TBC1D10B: variants seen among roughly 807,000 people sequenced by gnomAD.
TBC1D10B encodes Rab27A-GAPbeta.
A neutral mutation model predicts 78.4 loss-of-function variants in TBC1D10B; 25 were observed. The observed-to-expected ratio is 0.32, with a 90% confidence interval of 0.23 to 0.45. The LOEUF is 0.45. TBC1D10B is among the 20% of genes least tolerant of loss of function. The pLI is 1.00. For synonymous variants in TBC1D10B, 517 were observed against 478.0 expected, an observed-to-expected ratio of 1.08 and a Z score of -1.06; for missense variants, 996 against 1,104.8, an observed-to-expected ratio of 0.90 and a Z score of 1.40.
At chr16:30,359,099 G>T in intron 7 of TBC1D10B, 73 bp downstream of exon 7, 1 of 1,499,848 alleles carries the variant, frequency 6.7e-7, no homozygotes, top group South Asian at 1.3e-5. Context: ...TGGACCACCA[G>T]AAATATGACA....
intron 4 of TBC1D10B, among the ~76,000 whole-genome samples, chr16:30,361,627 A>G (rs1027752707): frequency 1.3e-5 from 2 of 151,200 alleles, no homozygotes; most frequent in African/African-American, 4.9e-5. Flanking sequence ...CTGGTCTCAA[A>G]CTCCTGACCT....
intron 1 of TBC1D10B, among the ~76,000 whole-genome samples, chr16:30,368,478 A>T (rs578018512): frequency 6.6e-6 from 1 of 152,286 alleles, no homozygotes; most frequent in South Asian, 2.1e-4. Context: ...TGACTGGCCC[A>T]GCAGGTCAAA....
intron 5 of TBC1D10B, 38 bp from the exon 6 acceptor site, chr16:30,359,641 GAGAAGCA>G: frequency 6.4e-7 from 1 of 1,555,388 alleles, no homozygotes; most frequent in South Asian, 1.2e-5. Context: ...GGTGGGGCCT[GAGAAGCA>G]GGGAGCAGGG....
chr16:30,358,341 G>A lies in TBC1D10B; in HGVS notation c.2030C>T (p.Pro677Leu), dbSNP rs749022572. The A allele has an allele frequency of 7.7e-6, 12 of 1,560,382 alleles. No homozygotes were observed. Among genetic ancestry groups the A allele is most frequent in the Middle Eastern group, 1.7e-4 (1 of 5,846 alleles). The change falls in exon 9 of 9, where the codon CCG (proline) becomes CTG (leucine). Residue 677 changes from proline to leucine, a missense_variant. Pro to Leu is a moderately conservative substitution (Grantham distance 98). Around this residue, in one of 5 missense-constraint regions of TBC1D10B, gnomAD observed 285 missense variants for 252.5 expected, o/e 1.13. Transcript: ENST00000409939. ...TCTGCGGACGGGGGGCGGCGGGGACGGGGCCCCTCCAGCTGCCCGGGAGCC... is the reference window on the plus strand; with the variant it reads ...TCTGCGGACGGGGGGCGGCGGGGACAGGGCCCCTCCAGCTGCCCGGGAGCC... ...SRGSRAAGGA[P>L]SPPPPVRRAS...
chr16:30,364,496 ATAC>A (rs1306735578), intron 4 of TBC1D10B, among the ~76,000 whole-genome samples: 1 of 152,184 alleles, frequency 6.6e-6, no homozygotes, highest in African/African-American at 2.4e-5. Context: ...ATCATCTTGC[ATAC>A]TACTAGAGAA....
Position 30,369,420 on chromosome 16 carries a change from C to T in TBC1D10B, c.764G>A (p.Gly255Asp). The T allele has an allele frequency of 1.3e-6, 2 of 1,569,632 alleles. No individual in the cohort carries two copies. Among genetic ancestry groups the T allele is most frequent in the Non-Finnish European group, 1.7e-6 (2 of 1,157,540 alleles). Residue 255 changes from glycine (G) to aspartate (D), a missense_variant, in exon 1 of 9, where the codon GGC becomes GAC. Physicochemically the swap from Gly to Asp is moderately conservative, Grantham distance 94 (BLOSUM62 -1). Coordinates refer to ENST00000409939, the MANE Select transcript of TBC1D10B (RefSeq NM_015527.4). The surrounding 1 kb of genome is among the most constrained non-coding windows in gnomAD (Gnocchi z 4.3). ...GGCCTGCCCTCGAGGCCCAGAGATG[C>T]CAGGTCCCAGGCTGGACGTGGAGCC... ...DLGSTSSLGP[G>D]ISGPRGQAPD... is the part of the protein sequence containing the mutation.
intron 4 of TBC1D10B, among the ~76,000 whole-genome samples, chr16:30,361,882 T>C (rs983195212): frequency 6.6e-5 from 10 of 151,154 alleles, no homozygotes; most frequent in Non-Finnish European, 1.3e-4. Context: ...GAATCTCCTC[T>C]GTCGCCCAGG....
rs191247342 is a variant in TBC1D10B, at chr16:30,359,274, T to C, written c.1540A>G (p.Ile514Val). Residue 514 changes from isoleucine to valine, a missense_variant, in exon 7 of 9, where the codon ATT becomes GTT. Ile to Val is a conservative substitution (Grantham distance 29, BLOSUM62 3). Transcript: ENST00000409939. Reference protein sequence around the residue: ...LAHRHLRRQRIDPVLYMTEWF... With the variant: ...LAHRHLRRQRVDPVLYMTEWF... ...TCCGTCATGTAGAGCACAGGGTCAA[T>C]GCGCTGCCGCCGCAGGTGGCGATGC... The C allele has an allele frequency of 1.2e-6, 2 of 1,609,656 alleles. No homozygotes were observed. Among genetic ancestry groups the C allele is most frequent in the Non-Finnish European group, 1.7e-6 (2 of 1,178,162 alleles).
At position 30,370,201 on chromosome 16, in the gene TBC1D10B, CA is replaced by C; in HGVS notation, c.-19del. Reference sequence around the variant, plus strand: ...GTCTCCATGGCCGCGGGCCGCCCCTCACATCCCCCCGCCGGGGAGGCCGCAG... The same window carrying C: ...GTCTCCATGGCCGCGGGCCGCCCCTCCATCCCCCCGCCGGGGAGGCCGCAG... On this transcript the variant is annotated 5_prime_UTR_variant, in exon 1 of 9. It removes the in-frame stop codon of an upstream open reading frame in the 5' UTR. Coordinates refer to ENST00000409939, the MANE Select transcript of TBC1D10B (RefSeq NM_015527.4). 8.8e-7 allele frequency: 1 copy of C among 1,136,866 alleles called. No homozygotes were observed. Among genetic ancestry groups the C allele is most frequent in the Non-Finnish European group, 1.1e-6 (1 of 923,366 alleles). 70.4% of individuals were successfully genotyped at this position (1,136,866 alleles called of 1,614,324 possible).
In TBC1D10B at chr16:30,364,893, AC is replaced by A; in HGVS notation, c.1271+6del. 1 of 1,604,006 alleles carries A rather than the reference AC, an allele frequency of 6.2e-7. No individual in the cohort carries two copies. The highest frequency in any genetic ancestry group is 2.3e-5 in the East Asian group (1 of 44,094). On this transcript the variant is annotated splice_donor_region_variant and intron_variant, in intron 4 of 8. Coordinates refer to ENST00000409939, the MANE Select transcript of TBC1D10B (RefSeq NM_015527.4). ...GCTGACTGACCCCCATGGTCCGGCCACCTTACCCATGCCCCCCTCGAGCAGC... is the reference window on the plus strand; with the variant it reads ...GCTGACTGACCCCCATGGTCCGGCCACTTACCCATGCCCCCCTCGAGCAGC...
chr16:30,358,739 T>C lies in TBC1D10B; in HGVS notation c.1721A>G (p.Gln574Arg). 2 of 1,610,184 alleles carry C rather than the reference T, an allele frequency of 1.2e-6. No homozygotes were observed. The highest frequency in any genetic ancestry group is 1.7e-6 in the Non-Finnish European group (2 of 1,178,272). The part of the protein sequence containing the change: ...LGSVEKLRSC[Q>R]GMYETMEQLR... ...CTGCTCCATGGTCTCATACATGCCT[T>C]GGCAGGAGCGCAGCTTCTCCACTGA... is the stretch of plus-strand genomic sequence containing the variant. Residue 574 changes from glutamine (Q) to arginine (R), a missense_variant, in exon 8 of 9, where the codon CAA (glutamine) becomes CGA (arginine). This residue lies in a region of TBC1D10B where 168 missense variants were observed against 238.7 expected (regional missense o/e 0.70). Coordinates refer to ENST00000409939, the MANE Select transcript of TBC1D10B (RefSeq NM_015527.4).
intron 7 of TBC1D10B, 46 bp downstream of exon 7, chr16:30,359,126 C>T: frequency 6.4e-7 from 1 of 1,557,790 alleles, no homozygotes; most frequent in South Asian, 1.2e-5. Context: ...CTGGTAGCCA[C>T]CACAGAAACC....
At chr16:30,361,805 C>G (rs544883079) in intron 4 of TBC1D10B, among the ~76,000 whole-genome samples, 1 of 151,914 alleles carries the variant, frequency 6.6e-6, no homozygotes. Flanking sequence ...TCTGCCTCAG[C>G]CTCCCGAGTA....
rs373878962 is a variant in TBC1D10B at position 30,359,305 on chromosome 16, C to T, written c.1509G>A (p.Pro503=). ...IFFALLRRAS[P]LAHRHLRRQR... ...GCCGCCGCAGGTGGCGATGCGCCAG[C>T]GGGGAGGCCCGGCGCAGGAGTGCAA... Residue 503 remains proline, a synonymous_variant, in exon 7 of 9, where the codon CCG becomes CCA. Coordinates refer to ENST00000409939, the MANE Select transcript of TBC1D10B (RefSeq NM_015527.4). The T allele has an allele frequency of 3.6e-5, 57 of 1,600,638 alleles. No homozygotes were observed. The highest frequency in any genetic ancestry group is 1.6e-4 in the Middle Eastern group (1 of 6,068).
In TBC1D10B at chr16:30,365,306, G is replaced by T; in HGVS notation, c.1057-94C>A. ...CCACAAACTCCCTGGATACTCCTCC[G>T]ACATCCCATAGGCTTGATTCCACTG... is the stretch of plus-strand genomic sequence containing the variant. On this transcript the variant is annotated intron_variant, in intron 2 of 8. Coordinates refer to ENST00000409939, the MANE Select transcript of TBC1D10B (RefSeq NM_015527.4). This position sits in a 1 kb window ranked among gnomAD's most constrained non-coding sequence, Gnocchi z 5.0. 1 of 1,282,500 alleles carries T rather than the reference G, an allele frequency of 7.8e-7. No individual in the cohort carries two copies. The highest frequency in any genetic ancestry group is 1.1e-6 in the Non-Finnish European group (1 of 895,674). 79.4% of individuals were successfully genotyped at this position (1,282,500 alleles called of 1,614,324 possible).
At chr16:30,360,046 C>G (rs2151100955) in intron 4 of TBC1D10B, 1 of 568,644 alleles carries the variant, frequency 1.8e-6, no homozygotes, top group Non-Finnish European at 3.1e-6. Flanking sequence ...ACTCCACATG[C>G]TCCTGGCCAT....
chr16:30,358,381 C>T lies in TBC1D10B; in HGVS notation c.1990G>A (p.Gly664Ser). Residue 664 changes from glycine to serine, a missense_variant, in exon 9 of 9, where the codon GGC (glycine) becomes AGC (serine). This residue lies in a region of TBC1D10B where 285 missense variants were observed against 252.5 expected (regional missense o/e 1.13). Transcript: ENST00000409939. ...GPSSSLLSLP[G>S]LKSRGSRAAG... ...GCCCGGGAGCCTCGGCTCTTGAGGC[C>T]AGGGAGGCTGAGGAGGCTGGAGGAG... The T allele has an allele frequency of 6.4e-7, 1 of 1,565,036 alleles. No individual in the cohort carries two copies. The highest frequency in any genetic ancestry group is 8.7e-7 in the Non-Finnish European group (1 of 1,155,386).
At position 30,357,984 on chromosome 16, in the gene TBC1D10B, T is replaced by A; in HGVS notation, c.2387A>T (p.Asp796Val). 2 of 1,551,674 alleles carry A rather than the reference T, an allele frequency of 1.3e-6. No homozygotes were observed. The highest frequency in any genetic ancestry group is 1.7e-6 in the Non-Finnish European group (2 of 1,146,978). ...CTGCCGGGCCTCGGCTGAGGGCCTG[T>A]CCCCACCATCATGGGGGCCTGGGGG... ...DGPPGPHDGGDRPSAEARQDA... is the reference protein window; with the variant it reads ...DGPPGPHDGGVRPSAEARQDA... The change falls in exon 9 of 9, where the codon GAC becomes GTC. Residue 796 changes from aspartate to valine, a missense_variant. Asp to Val is a radical substitution (Grantham distance 152, BLOSUM62 -3). Transcript: ENST00000409939.
At chr16:30,360,196 A>G (rs1383778618) in intron 4 of TBC1D10B, 74 of 214,724 alleles carry the variant, frequency 3.4e-4, no homozygotes, top group Non-Finnish European at 4.7e-5. Flanking sequence ...CCAAAGCAGT[A>G]GCTCCCCAGG....
Sources: gnomAD v4.1 joint callset for allele counts (sites outside exome capture counted in the v4.1 genomes callset) on GRCh38, gnomAD v4.1.1 for gene constraint, gnomAD v4.1.1 regional missense constraint, Gnocchi (gnomAD v3.1) non-coding constraint, MANE v1.5 for transcripts, NCBI Gene and HGNC (gene_info 2026-07-23, HGNC 2026-07-21) for gene names.